The following TRAF6 variants were observed in gnomAD, a reference collection of about 807,000 sequenced individuals.
TRAF6 encodes TNF receptor associated factor 6.
TRAF6 carries 10 observed loss-of-function variants against 48.4 expected under a neutral mutation model. The ratio of observed to expected loss-of-function variants is 0.21; its 90% CI spans 0.13 to 0.35. The LOEUF (loss-of-function observed/expected upper bound fraction) is 0.35, where lower values mean the gene tolerates loss of function less well. Among genes scored for constraint, TRAF6 ranks in the 10% least tolerant of loss-of-function variants. TRAF6 has a pLI of 1.00. For missense variants in TRAF6, 397 were observed against 661.0 expected (o/e 0.60, Z 4.38); for synonymous variants, 186 against 219.6 (o/e 0.85, Z 1.35).
intron 1 of TRAF6, among the ~76,000 whole-genome samples, chr11:36,507,025 T>C (rs1859794367): frequency 6.6e-6 from 1 of 151,628 alleles, no homozygotes; most frequent in South Asian, 2.1e-4. Flanking sequence ...AACTTAATTA[T>C]AACGATAACT....
rs1859800311 is a variant in TRAF6, at chr11:36,507,187, GTATATATACATGTAT to G, written c.-23+2846_-23+2860del. On this transcript the variant is annotated intron_variant, in intron 1 of 6. Transcript: ENST00000526995. The stretch of plus-strand genomic sequence containing the variant: ...ATTATACATACATAAATGTATATAT[GTATATATACATGTAT>G]TATACATACATAAATGTATATATGT... 5.4e-5 allele frequency among the ~76,000 whole-genome samples: 4 copies of G among 74,182 alleles called. 1 individual carries two copies. Among genetic ancestry groups the G allele is most frequent in the African/African-American group, 2.2e-4 (4 of 18,604 alleles). 48.7% of individuals were successfully genotyped at this position (74,182 alleles called of 152,430 possible). A position where few individuals can be genotyped will look rare whatever the true frequency, so the allele number is the denominator to read the frequency against.
chr11:36,494,895 G>A, intron 5 of TRAF6, 81 bp downstream of exon 5: 2 of 1,012,614 alleles, frequency 2.0e-6, no homozygotes, highest in East Asian at 5.2e-5. Context: ...TTGCCTTATT[G>A]ATTTAAATTT....
chr11:36,506,153 A>G (rs1406198680), intron 1 of TRAF6, among the ~76,000 whole-genome samples: 1 of 152,130 alleles, frequency 6.6e-6, no homozygotes, highest in African/African-American at 2.4e-5. Flanking sequence ...AAAAAACAAA[A>G]AAGTATCCGG....
chr11:36,505,378 G>A lies in TRAF6; in HGVS notation c.-22-3841C>T, dbSNP rs138357576. On this transcript the variant is annotated intron_variant, in intron 1 of 6. Transcript: ENST00000526995. ...CTTTCATCTTGCACTTTTATGTTAC[G>A]GAGATGCGTTTCTTTCCTTAAACCT... is the stretch of plus-strand genomic sequence containing the variant. 8.1e-4 allele frequency among the ~76,000 whole-genome samples: 124 copies of A among 152,236 alleles called. 1 individual carries two copies. The highest frequency in any genetic ancestry group is 3.4e-3 in the Middle Eastern group (1 of 294).
intron 2 of TRAF6, among the ~76,000 whole-genome samples, chr11:36,500,918 T>C (rs2133674955): frequency 6.6e-6 from 1 of 152,234 alleles, no homozygotes; most frequent in East Asian, 1.9e-4. Flanking sequence ...ATTTAAAAAA[T>C]ACTATTTTCT....
In TRAF6 at chr11:36,498,523, A is replaced by G. The variant is rs1859670868; in HGVS notation, c.414T>C (p.Gly138=). Residue 138 remains glycine (G), a synonymous_variant, in exon 3 of 7, where the codon GGT becomes GGC. Coordinates refer to ENST00000526995, the MANE Select transcript of TRAF6 (RefSeq NM_004620.4). ...GTCTCAGTTCCATCTTGTGCAAACA[A>G]CCTTCATTTGGACATTTCACCATCA... The part of the protein sequence containing the change: ...LSLMVKCPNE[G]CLHKMELRHL... 1 of 1,612,086 alleles carries G rather than the reference A, an allele frequency of 6.2e-7. No individual in the cohort carries two copies. Among genetic ancestry groups the G allele is most frequent in the Non-Finnish European group, 8.5e-7 (1 of 1,179,810 alleles).
intron 1 of TRAF6, among the ~76,000 whole-genome samples, chr11:36,503,084 C>T (rs1161408411): frequency 6.6e-6 from 1 of 152,160 alleles, no homozygotes; most frequent in Non-Finnish European, 1.5e-5. Context: ...GTCTACCTGA[C>T]CTTGGAGCTT....
Position 36,486,465 on chromosome 11 carries a change from T to C in TRAF6, c.*3373A>G, listed in dbSNP as rs1859485216. Among the ~76,000 whole-genome samples the C allele has an allele frequency of 1.3e-5, 2 of 152,154 alleles. 1 individual carries two copies. The highest frequency in any genetic ancestry group is 4.1e-4 in the South Asian group (2 of 4,830). ...TAACTGTATACATAATTCATAAGCA[T>C]GCTTAGTTTATCTAAGACTTACTGG... On this transcript the variant is annotated 3_prime_UTR_variant, in exon 7 of 7. Transcript: ENST00000526995.
At chr11:36,504,971 C>T (rs1319730030) in intron 1 of TRAF6, among the ~76,000 whole-genome samples, 1 of 152,136 alleles carries the variant, frequency 6.6e-6, no homozygotes, top group Non-Finnish European at 1.5e-5. Context: ...TGACAGTGGG[C>T]TTAAAATATT....
intron 1 of TRAF6, among the ~76,000 whole-genome samples, chr11:36,508,006 C>T (rs1859830577): frequency 6.6e-6 from 1 of 151,526 alleles, no homozygotes; most frequent in African/African-American, 2.4e-5. Context: ...CAGGTGTGTG[C>T]CACCAAGCCT....
rs1859532343 is a variant in TRAF6 at position 36,489,519 on chromosome 11, T to C, written c.*319A>G. ...GTTTAGTACTCTTGAGTCTGGACTT[T>C]CTGACAATAAAATACACCAGAGCAA... On this transcript the variant is annotated 3_prime_UTR_variant, in exon 7 of 7. Transcript: ENST00000526995. The C allele has an allele frequency of 3.4e-6, 1 of 291,836 alleles. No homozygotes were observed. The highest frequency in any genetic ancestry group is 2.2e-5 in the African/African-American group (1 of 46,252). The allele number at this position is 291,836 out of a possible 1,614,324, so 18.1% of individuals were successfully genotyped here.
chr11:36,495,345 A>C (rs1419285597), intron 4 of TRAF6, among the ~76,000 whole-genome samples: 4 of 152,192 alleles, frequency 2.6e-5, no homozygotes, highest in African/African-American at 7.2e-5. Flanking sequence ...TACTTTGGAC[A>C]TCATCTGCCG....
chr11:36,492,748 G>A, intron 5 of TRAF6, 120 bp from the exon 6 acceptor site: 1 of 710,070 alleles, frequency 1.4e-6, no homozygotes, highest in South Asian at 1.8e-5. Flanking sequence ...AGTTGAATAG[G>A]TGCAGCATAA....
chr11:36,495,698 G>T (rs1365283896), intron 4 of TRAF6, among the ~76,000 whole-genome samples: 2 of 152,108 alleles, frequency 1.3e-5, no homozygotes, highest in Admixed American at 1.3e-4. Flanking sequence ...TTCGAGACCA[G>T]CCTGACCAAC....
At chr11:36,507,828 TTA>T (rs1162336812) in intron 1 of TRAF6, among the ~76,000 whole-genome samples, 3 of 146,772 alleles carry the variant, frequency 2.0e-5, no homozygotes, top group Non-Finnish European at 3.0e-5. Flanking sequence ...TACATGTATT[TTA>T]TATATGTGTA....
At chr11:36,491,343 A>G (rs778180940) in intron 6 of TRAF6, among the ~76,000 whole-genome samples, 21 of 152,204 alleles carry the variant, frequency 1.4e-4, no homozygotes, top group Non-Finnish European at 2.5e-4. Context: ...AAAAACCTAG[A>G]AAATATAGAT....
intron 1 of TRAF6, among the ~76,000 whole-genome samples, chr11:36,509,614 A>G (rs1859872556): frequency 1.3e-5 from 2 of 152,148 alleles, no homozygotes; most frequent in Admixed American, 1.3e-4. Flanking sequence ...GGAAGGGGAA[A>G]AAGCGGAGTT....
chr11:36,505,223 G>A (rs892101177), intron 1 of TRAF6, among the ~76,000 whole-genome samples: 1 of 152,114 alleles, frequency 6.6e-6, no homozygotes, highest in African/African-American at 2.4e-5. Flanking sequence ...AACATCCTAG[G>A]TGGCATCTTT....
intron 1 of TRAF6, among the ~76,000 whole-genome samples, chr11:36,508,593 C>G (rs1859842263): frequency 6.6e-6 from 1 of 152,104 alleles, no homozygotes; most frequent in Non-Finnish European, 1.5e-5. Context: ...AACTGAAATT[C>G]ATACGAGTAA....
Sources: gnomAD v4.1 joint callset for allele counts (sites outside exome capture counted in the v4.1 genomes callset) on GRCh38, gnomAD v4.1.1 for gene constraint, MANE v1.5 for transcripts, NCBI Gene and HGNC (gene_info 2026-07-23, HGNC 2026-07-21) for gene names.